RIMS2: variants seen among roughly 807,000 people sequenced by gnomAD.
The protein encoded by RIMS2 is regulating synaptic membrane exocytosis 2.
A neutral mutation model predicts 174.4 loss-of-function variants in RIMS2; 59 were observed. That is an observed-to-expected ratio of 0.34 (90% CI 0.27 to 0.42). The LOEUF is 0.42. Among genes scored for constraint, RIMS2 ranks in the 10% least tolerant of loss-of-function variants. The probability of loss-of-function intolerance (pLI) is 1.00; values close to 1 mark genes in which losing one functional copy is unlikely to be tolerated. For synonymous variants in RIMS2, 606 were observed against 572.5 expected (o/e 1.06, Z -0.84); for missense variants, 1,620 against 1,666.3 (o/e 0.97, Z 0.48).
At chr8:103,602,689 T>C (rs2094819999) in intron 1 of RIMS2, among the ~76,000 whole-genome samples, 1 of 152,244 alleles carries the variant, frequency 6.6e-6, no homozygotes, top group Admixed American at 6.5e-5. Flanking sequence ...TACACTTTCT[T>C]CATACAGTGT....
chr8:103,912,304 C>A, intron 6 of RIMS2, 132 bp downstream of exon 9: 2 of 522,154 alleles, frequency 3.8e-6, no homozygotes, highest in Non-Finnish European at 6.5e-6. Context: ...TGAAGATTCG[C>A]ACTCATTATC....
chr8:104,043,022 T>C (rs963727808), intron 19 of RIMS2, among the ~76,000 whole-genome samples: 1 of 151,486 alleles, frequency 6.6e-6, no homozygotes, highest in Non-Finnish European at 1.5e-5. Context: ...GAAGAGAATT[T>C]AAAAAAATCT....
rs919224375 is a variant in RIMS2 at position 104,060,782 on chromosome 8, C to T, written c.3334+46167C>T. Among the ~76,000 whole-genome samples, 778 of 152,108 alleles carry T rather than the reference C, an allele frequency of 5.1e-3. 3 individuals carry two copies. The highest frequency in any genetic ancestry group is 7.7e-3 in the Non-Finnish European group (526 of 67,976). ...GTGGTATGTTGTGTCTTTGTTCTCG[C>T]TGGTTTCAAAGAACATCTTTATTTC... On this transcript the variant is annotated intron_variant, in intron 19 of 23. Coordinates refer to ENST00000504942, the Ensembl canonical transcript of RIMS2.
chr8:103,641,547 ATTG>A, intron 1 of RIMS2, among the ~76,000 whole-genome samples: 1 of 151,986 alleles, frequency 6.6e-6, no homozygotes, highest in Non-Finnish European at 1.5e-5. Flanking sequence ...TAGCTTGGGT[ATTG>A]TTTGTTTGTC....
At chr8:103,919,920 C>T (rs2077283644) in intron 9 of RIMS2, among the ~76,000 whole-genome samples, 1 of 151,824 alleles carries the variant, frequency 6.6e-6, no homozygotes, top group Non-Finnish European at 1.5e-5. Context: ...CCTTATTGCT[C>T]CCATTTTATT....
intron 3 of RIMS2, among the ~76,000 whole-genome samples, chr8:103,786,910 C>G (rs551833772): frequency 0.011 from 1,742 of 151,796 alleles, 33 homozygotes; most frequent in African/African-American, 0.039. Context: ...GAGTCTAAGT[C>G]TCTTTGTAGG....
chr8:103,568,799 A>G, intron 1 of RIMS2: 5 of 1,144,982 alleles, frequency 4.4e-6, no homozygotes, highest in Middle Eastern at 2.0e-4. Context: ...CTGTTTGTGC[A>G]ATCAGTGCTA....
chr8:103,964,591 AC>A (rs1358188180), intron 15 of RIMS2, among the ~76,000 whole-genome samples: 1 of 152,190 alleles, frequency 6.6e-6, no homozygotes, highest in African/African-American at 2.4e-5. Context: ...TGTCTTTTAC[AC>A]ATATTTTCTC....
intron 16 of RIMS2, among the ~76,000 whole-genome samples, chr8:103,986,169 C>T (rs1222539953): frequency 6.6e-6 from 1 of 152,116 alleles, no homozygotes; most frequent in Non-Finnish European, 1.5e-5. Flanking sequence ...AATGTATACA[C>T]TTATCAAAAC....
chr8:104,190,937 T>C (rs1170341985), intron 19 of RIMS2, among the ~76,000 whole-genome samples: 1 of 38,902 alleles, frequency 2.6e-5, no homozygotes, highest in African/African-American at 1.8e-4. Flanking sequence ...CTTTTTTTGT[T>C]TTTTTTTTTT....
chr8:103,941,205 G>A (rs2082445895), intron 13 of RIMS2, among the ~76,000 whole-genome samples: 1 of 152,172 alleles, frequency 6.6e-6, no homozygotes, highest in Non-Finnish European at 1.5e-5. Flanking sequence ...AACAACTCCA[G>A]GCATGGTGGC....
At chr8:103,529,940 A>G (rs1836208952) in intron 1 of RIMS2, among the ~76,000 whole-genome samples, 1 of 152,334 alleles carries the variant, frequency 6.6e-6, no homozygotes, top group East Asian at 1.9e-4. Flanking sequence ...ATGGAAGGCT[A>G]ACTGTACTAA....
chr8:104,075,129 G>A (rs1412250890), intron 19 of RIMS2, among the ~76,000 whole-genome samples: 4 of 152,018 alleles, frequency 2.6e-5, no homozygotes, highest in African/African-American at 9.7e-5. Flanking sequence ...ATGATGAGGT[G>A]GATAGAGCCA....
intron 1 of RIMS2, among the ~76,000 whole-genome samples, chr8:103,621,297 C>A (rs1354026659): frequency 6.6e-6 from 1 of 152,174 alleles, no homozygotes; most frequent in African/African-American, 2.4e-5. Context: ...ACGTGCCCAC[C>A]CTACTGCTGT....
chr8:103,662,124 T>TTCC (rs1395434834), intron 1 of RIMS2, among the ~76,000 whole-genome samples: 4 of 152,212 alleles, frequency 2.6e-5, no homozygotes, highest in Non-Finnish European at 4.4e-5. Context: ...AATCTTATAA[T>TTCC]ACTTTAAGAA....
At chr8:103,505,582 C>G (rs112342437) in intron 1 of RIMS2, among the ~76,000 whole-genome samples, 135 of 152,134 alleles carry the variant, frequency 8.9e-4, no homozygotes, top group African/African-American at 3.1e-3. Flanking sequence ...TTCGTACATG[C>G]ATTTCCTACA....
intron 19 of RIMS2, among the ~76,000 whole-genome samples, chr8:104,037,978 G>A (rs540553279): frequency 6.6e-6 from 1 of 152,024 alleles, no homozygotes; most frequent in Admixed American, 6.6e-5. Flanking sequence ...GTATTGAATA[G>A]AATAACATGC....
chr8:104,072,504 T>G lies in RIMS2; in HGVS notation c.3334+57889T>G, dbSNP rs112134962. On this transcript the variant is annotated intron_variant, in intron 19 of 23. Coordinates refer to ENST00000504942, the Ensembl canonical transcript of RIMS2. ...GCCACTAAGTCATGGAAAGTATTAC[T>G]TGGGCTAATTTAGTTTTTCAAATTT... 4.5e-4 allele frequency among the ~76,000 whole-genome samples: 68 copies of G among 152,266 alleles called. 1 individual carries two copies. Among genetic ancestry groups the G allele is most frequent in the African/African-American group, 1.5e-3 (64 of 41,564 alleles).
At chr8:104,208,035 C>A (rs950400250) in intron 19 of RIMS2, among the ~76,000 whole-genome samples, 1 of 151,850 alleles carries the variant, frequency 6.6e-6, no homozygotes, top group Non-Finnish European at 1.5e-5. Context: ...TCCCAAAATA[C>A]TGGGATTACA....
Sources: allele counts gnomAD v4.1 joint callset (sites outside exome capture counted in the v4.1 genomes callset), GRCh38; gene constraint gnomAD v4.1.1; transcripts MANE v1.5; gene names NCBI Gene and HGNC (gene_info 2026-07-23, HGNC 2026-07-21).